Variants in ITGAV observed in about 807,000 individuals in gnomAD.
ITGAV encodes integrin subunit alpha V.
A neutral mutation model predicts 143.8 loss-of-function variants in ITGAV; 76 were observed. The ratio of observed to expected loss-of-function variants is 0.53; its 90% confidence interval spans 0.44 to 0.64. ITGAV has a LOEUF of 0.64. Among genes scored for constraint, ITGAV ranks in the 30% least tolerant of loss-of-function variants. The probability of loss-of-function intolerance (pLI) is 0.00; values close to 1 mark genes in which losing one functional copy is unlikely to be tolerated. For missense variants in ITGAV, 1,193 were observed against 1,274.7 expected, an observed-to-expected ratio of 0.94 and a Z score of 0.98; for synonymous variants, 453 against 446.7, an observed-to-expected ratio of 1.01 and a Z score of -0.18.
At chr2:186,642,621 A>G (rs1251636295) in intron 12 of ITGAV, among the ~76,000 whole-genome samples, 2 of 147,034 alleles carry the variant, frequency 1.4e-5, no homozygotes, top group African/African-American at 2.5e-5. Context: ...TGCAGCCTCA[A>G]CCTCCCAGGG....
rs982330765 is a variant in ITGAV at position 186,667,301 on chromosome 2, C to G, written c.2327+71C>G. ...TTTAAAGGTAACTGTCAGGCCTTAGCCTTTTCTGGACAATAGACCCTGCAT... is the reference window on the plus strand; with the variant it reads ...TTTAAAGGTAACTGTCAGGCCTTAGGCTTTTCTGGACAATAGACCCTGCAT... On this transcript the variant is annotated intron_variant, in intron 23 of 29. Coordinates refer to ENST00000261023, the MANE Select transcript of ITGAV (RefSeq NM_002210.5). The G allele has an allele frequency of 2.6e-6, 3 of 1,156,538 alleles. No individual in the cohort carries two copies. In the East Asian group the frequency reaches 7.1e-5, roughly 27 times the overall value. 71.6% of individuals were successfully genotyped at this position (1,156,538 alleles called of 1,614,324 possible). A position where few individuals can be genotyped will look rare whatever the true frequency, so the allele number is the denominator to read the frequency against.
chr2:186,663,965 C>T (rs960431513), intron 19 of ITGAV, 130 bp downstream of exon 19: 23 of 635,034 alleles, frequency 3.6e-5, no homozygotes, highest in Non-Finnish European at 8.3e-6. Flanking sequence ...TTCTATAACA[C>T]TAAAACTATC....
intron 10 of ITGAV, among the ~76,000 whole-genome samples, chr2:186,638,671 TA>T (rs1299274383): frequency 3.2e-4 from 44 of 135,662 alleles, no homozygotes; most frequent in Non-Finnish European, 3.9e-4. Context: ...TGTGTGTGTG[TA>T]GTATATAAAC....
chr2:186,667,724 A>T lies in ITGAV; in HGVS notation c.2381A>T (p.Glu794Val). Residue 794 changes from glutamate to valine, a missense_variant, in exon 24 of 30, where the codon GAG becomes GTG. Coordinates refer to ENST00000261023, the MANE Select transcript of ITGAV (RefSeq NM_002210.5). ...CCGATTCCAAACTGGGAGCACAAGG[A>T]GAACCCTGAGACTGAAGAAGATGTT... is the stretch of plus-strand genomic sequence containing the variant. ...FLPIPNWEHK[E>V]NPETEEDVGP... 6.2e-7 allele frequency: 1 copy of T among 1,611,634 alleles called. No homozygotes were observed. Among genetic ancestry groups the T allele is most frequent in the Non-Finnish European group, 8.5e-7 (1 of 1,178,308 alleles).
In ITGAV at chr2:186,642,289, G is replaced by A. The variant is rs551197260; in HGVS notation, c.1159+701G>A. The stretch of plus-strand genomic sequence containing the variant: ...GATCACAGAATGGATAGTTGAACTA[G>A]TTTGTGTAATCAACAGTATAGTAAG... On this transcript the variant is annotated intron_variant, in intron 12 of 29. Transcript: ENST00000261023. Among the ~76,000 whole-genome samples, 20 of 152,108 alleles carry A rather than the reference G, an allele frequency of 1.3e-4. 1 individual carries two copies. Among genetic ancestry groups the A allele is most frequent in the Admixed American group, 1.3e-3 (20 of 15,286 alleles).
At chr2:186,611,983 C>G (rs1687229472) in intron 2 of ITGAV, among the ~76,000 whole-genome samples, 1 of 152,076 alleles carries the variant, frequency 6.6e-6, no homozygotes, top group African/African-American at 2.4e-5. Context: ...CCATTACTTT[C>G]AATGCTTTGT....
chr2:186,654,568 T>C, intron 15 of ITGAV, 82 bp from the exon 16 acceptor site: 1 of 664,722 alleles, frequency 1.5e-6, no homozygotes, highest in Non-Finnish European at 2.6e-6. Context: ...AACTATGTAG[T>C]AGAAAGATGA....
intron 4 of ITGAV, 104 bp from the exon 5 acceptor site, chr2:186,630,693 A>G (rs754112561): frequency 6.6e-5 from 43 of 649,532 alleles, no homozygotes; most frequent in Non-Finnish European, 1.7e-5. Context: ...ACTCTCAAAA[A>G]TTGGTACATT....
At position 186,680,341 on chromosome 2, in the gene ITGAV, T is replaced by C. The variant is rs2105760501; in HGVS notation, c.*3049T>C. The C allele has an allele frequency of 6.5e-6, 1 of 152,694 alleles. No individual in the cohort carries two copies. The highest frequency in any genetic ancestry group is 2.1e-4 in the South Asian group (1 of 4,830). The allele number at this position is 152,694 out of a possible 1,614,324, so 9.5% of individuals were successfully genotyped here. On this transcript the variant is annotated 3_prime_UTR_variant, in exon 30 of 30. Transcript: ENST00000261023. ...AGAGTATTCCTTTTAGTTTGTTGGT[T>C]GGCTGGTTTGAACGATAGAAATATG...
At chr2:186,676,200 T>C (rs1689204092) in intron 28 of ITGAV, 1 of 275,776 alleles carries the variant, frequency 3.6e-6, no homozygotes, top group African/African-American at 2.2e-5. Flanking sequence ...GAATTTTCGT[T>C]TACAAAGTTA....
chr2:186,675,681 C>T lies in ITGAV; in HGVS notation c.2784C>T (p.Tyr928=), dbSNP rs199793723. 102 of 1,613,652 alleles carry T rather than the reference C, an allele frequency of 6.3e-5. No individual in the cohort carries two copies. The African/African-American group carries it at 8.7e-4, about 14-fold the overall frequency. The part of the protein sequence containing the change: ...RLDRGKSAIL[Y]VKSLLWTETF... The stretch of plus-strand genomic sequence containing the variant: ...ACAGAGGAAAGAGTGCAATCTTGTA[C>T]GTAAAGTCATTACTGTGGACTGAGA... Residue 928 remains tyrosine (Y), a synonymous_variant, in exon 27 of 30, where the codon TAC becomes TAT. Transcript: ENST00000261023.
At chr2:186,610,488 T>C (rs1239872166) in intron 2 of ITGAV, among the ~76,000 whole-genome samples, 1 of 152,248 alleles carries the variant, frequency 6.6e-6, no homozygotes, top group African/African-American at 2.4e-5. Flanking sequence ...AAAAAGTTTC[T>C]TATTTTATAT....
chr2:186,643,190 T>A (rs1026562378), intron 12 of ITGAV, among the ~76,000 whole-genome samples: 5 of 152,234 alleles, frequency 3.3e-5, no homozygotes, highest in African/African-American at 1.2e-4. Context: ...GTTTTCTCAT[T>A]ACTGTGATCT....
intron 4 of ITGAV, among the ~76,000 whole-genome samples, chr2:186,629,971 C>T (rs900486915): frequency 1.1e-4 from 17 of 152,066 alleles, no homozygotes; most frequent in African/African-American, 4.1e-4. Flanking sequence ...ATGAGAACAA[C>T]TAAAAAGGGA....
intron 17 of ITGAV, among the ~76,000 whole-genome samples, chr2:186,658,779 C>A (rs946168512): frequency 1.3e-5 from 2 of 152,016 alleles, no homozygotes; most frequent in African/African-American, 4.8e-5. Context: ...TGTTTGAGTG[C>A]TCATGTTGTT....
intron 2 of ITGAV, among the ~76,000 whole-genome samples, chr2:186,607,666 A>G (rs1687106035): frequency 6.6e-6 from 1 of 152,206 alleles, no homozygotes; most frequent in Non-Finnish European, 1.5e-5. Flanking sequence ...TAAACTGAAT[A>G]ACACATATAG....
At position 186,676,385 on chromosome 2, in the gene ITGAV, T is replaced by C. The variant is rs61764173; in HGVS notation, c.2929-428T>C. 6.9e-3 allele frequency: 1,173 copies of C among 170,476 alleles called. 20 individuals carry two copies. Among genetic ancestry groups the C allele is most frequent in the African/African-American group, 0.027 (1,127 of 41,752 alleles). The allele number at this position is 170,476 out of a possible 1,614,324, so 10.6% of individuals were successfully genotyped here. A position where few individuals can be genotyped will look rare whatever the true frequency, so the allele number is the denominator to read the frequency against. On this transcript the variant is annotated intron_variant, in intron 28 of 29. Coordinates refer to ENST00000261023, the MANE Select transcript of ITGAV (RefSeq NM_002210.5). ...GGGAGGCTGAGACAGGTGGATCATT[T>C]GAGGCCAGGATTTCAAGACCAGCCT...
intron 7 of ITGAV, among the ~76,000 whole-genome samples, chr2:186,636,731 A>C (rs1451889723): frequency 1.3e-5 from 2 of 152,236 alleles, no homozygotes; most frequent in African/African-American, 4.8e-5. Context: ...TGATATATTA[A>C]AACAAGTCAT....
chr2:186,643,385 G>A (rs962149229), intron 12 of ITGAV, among the ~76,000 whole-genome samples: 1 of 152,168 alleles, frequency 6.6e-6, no homozygotes, highest in Non-Finnish European at 1.5e-5. Flanking sequence ...GGGTCTTACT[G>A]TAGCAAATAG....
Sources: gnomAD v4.1 joint callset for allele counts (sites outside exome capture counted in the v4.1 genomes callset) on GRCh38, gnomAD v4.1.1 for gene constraint, MANE v1.5 for transcripts, NCBI Gene and HGNC (gene_info 2026-07-23, HGNC 2026-07-21) for gene names.